MITF: variants seen among roughly 807,000 people sequenced by gnomAD.
MITF encodes the protein microphthalmia-associated transcription factor.
Under a neutral mutation model 60.5 loss-of-function variants are expected in MITF, and 17 were observed. The ratio of observed to expected loss-of-function variants is 0.28; its 90% CI spans 0.19 to 0.42. The LOEUF (loss-of-function observed/expected upper bound fraction) is 0.42, where lower values mean the gene tolerates loss of function less well. MITF is among the 10% of genes least tolerant of loss of function. The probability of loss-of-function intolerance (pLI) is 1.00; values close to 1 mark genes in which losing one functional copy is unlikely to be tolerated. For synonymous variants in MITF, 260 were observed against 248.5 expected, an observed-to-expected ratio of 1.05 and a Z score of -0.43; for missense variants, 622 against 683.5, an observed-to-expected ratio of 0.91 and a Z score of 1.00.
chr3:69,882,687 A>G (rs925545900), intron 2 of MITF, among the ~76,000 whole-genome samples: 1 of 152,198 alleles, frequency 6.6e-6, no homozygotes, highest in African/African-American at 2.4e-5. Context: ...AAACAAAAAC[A>G]GAGTAACGGG....
chr3:69,774,441 A>G (rs2062442112), intron 1 of MITF, among the ~76,000 whole-genome samples: 1 of 152,156 alleles, frequency 6.6e-6, no homozygotes, highest in African/African-American at 2.4e-5. Flanking sequence ...AGGTAGCAGG[A>G]TGGCTAGTCA....
At chr3:69,754,408 C>T (rs1704050664) in intron 1 of MITF, among the ~76,000 whole-genome samples, 1 of 152,048 alleles carries the variant, frequency 6.6e-6, no homozygotes, top group African/African-American at 2.4e-5. Flanking sequence ...AAATCTGTCC[C>T]CCTTGGCCGG....
intron 7 of MITF, among the ~76,000 whole-genome samples, chr3:69,954,830 A>G (rs2066356038): frequency 6.6e-6 from 1 of 152,194 alleles, no homozygotes; most frequent in Non-Finnish European, 1.5e-5. Flanking sequence ...CCTCAGCCAA[A>G]ACAAACTGCA....
chr3:69,815,053 C>A (rs754873548), intron 1 of MITF, among the ~76,000 whole-genome samples: 2 of 152,116 alleles, frequency 1.3e-5, no homozygotes, highest in Admixed American at 1.3e-4. Context: ...AAAACAGATG[C>A]TAACCATAAA....
At chr3:69,752,625 A>G (rs1460479683) in intron 1 of MITF, among the ~76,000 whole-genome samples, 1 of 152,174 alleles carries the variant, frequency 6.6e-6, no homozygotes, top group Non-Finnish European at 1.5e-5. Context: ...GCTCCTAACA[A>G]CCTATGTTTA....
rs2064117359 is a variant in MITF at position 69,866,448 on chromosome 3, G to A, written c.105-12686G>A. 5.1e-6 allele frequency: 7 copies of A among 1,359,388 alleles called. No homozygotes were observed. The South Asian group carries it at 9.1e-5, about 18-fold the overall frequency. 84.2% of individuals were successfully genotyped at this position (1,359,388 alleles called of 1,614,324 possible). A position where few individuals can be genotyped will look rare whatever the true frequency, so the allele number is the denominator to read the frequency against. On this transcript the variant is annotated intron_variant, in intron 1 of 9. Transcript: ENST00000352241. ...ATAAAGGAAGAGAAGGGTTTATTGGGAGTTAAAAATACTGAAGCTGTTACT... is the reference window on the plus strand; with the variant it reads ...ATAAAGGAAGAGAAGGGTTTATTGGAAGTTAAAAATACTGAAGCTGTTACT...
chr3:69,952,331 A>G (rs1455221935), intron 7 of MITF, among the ~76,000 whole-genome samples: 1 of 152,098 alleles, frequency 6.6e-6, no homozygotes, highest in Non-Finnish European at 1.5e-5. Flanking sequence ...CAGCCTCCTA[A>G]ATTTCTGACA....
rs755328856 is a variant in MITF at position 69,959,431 on chromosome 3, T to C, written c.1179+11T>C. 6 of 1,613,778 alleles carry C rather than the reference T, an allele frequency of 3.7e-6. No homozygotes were observed. The East Asian group carries it at 1.1e-4, about 30-fold the overall frequency. On this transcript the variant is annotated intron_variant, in intron 9 of 9. Coordinates refer to ENST00000352241, the MANE Select transcript of MITF (RefSeq NM_001354604.2). ...TTGCTCAGAATACAGGTACGCAGCC[T>C]GAGTTGTGTAAAGTTTACTGCTTTT... is the stretch of plus-strand genomic sequence containing the variant.
intron 1 of MITF, among the ~76,000 whole-genome samples, chr3:69,832,869 T>C (rs937012452): frequency 2.6e-5 from 4 of 152,268 alleles, no homozygotes; most frequent in Non-Finnish European, 4.4e-5. Context: ...CTATTTATAC[T>C]GTATGTGATT....
At chr3:69,922,601 C>G (rs2065493094) in intron 2 of MITF, among the ~76,000 whole-genome samples, 1 of 152,174 alleles carries the variant, frequency 6.6e-6, no homozygotes, top group Admixed American at 6.5e-5. Context: ...TGACATTTCT[C>G]TTCTTCCCGT....
rs181627076 is a variant in MITF, at chr3:69,794,057, G to A, written c.104+54356G>A. Among the ~76,000 whole-genome samples, 8 of 152,272 alleles carry A rather than the reference G, an allele frequency of 5.3e-5. No individual in the cohort carries two copies. In the East Asian group the frequency reaches 1.4e-3, roughly 26 times the overall value. ...CACCCCAGCTATATGAAGTGTATAG[G>A]AGGCAGTGGCATCCAGGTAGCCAAC... is the stretch of plus-strand genomic sequence containing the variant. On this transcript the variant is annotated intron_variant, in intron 1 of 9. Transcript: ENST00000352241.
chr3:69,865,711 G>A (rs2064100532), intron 1 of MITF, among the ~76,000 whole-genome samples: 1 of 152,094 alleles, frequency 6.6e-6, no homozygotes, highest in African/African-American at 2.4e-5. Context: ...ATGCTGTTTT[G>A]GATCTCTAGC....
chr3:69,796,187 G>T (rs1444473693), intron 1 of MITF, among the ~76,000 whole-genome samples: 1 of 152,042 alleles, frequency 6.6e-6, no homozygotes, highest in East Asian at 1.9e-4. Context: ...CTTCATGTTG[G>T]CCAGGCTGGT....
chr3:69,808,476 C>G (rs2063047200), intron 1 of MITF, among the ~76,000 whole-genome samples: 1 of 151,948 alleles, frequency 6.6e-6, no homozygotes, highest in African/African-American at 2.4e-5. Context: ...ATAGTGAATA[C>G]CAATTTATAG....
chr3:69,943,410 A>G (rs113604016), intron 5 of MITF, among the ~76,000 whole-genome samples: 1 of 151,780 alleles, frequency 6.6e-6, no homozygotes, highest in Non-Finnish European at 1.5e-5. Context: ...GCTTCCTGAA[A>G]CCCTACATTT....
chr3:69,936,594 T>C, intron 2 of MITF: 1 of 1,533,598 alleles, frequency 6.5e-7, no homozygotes, highest in Non-Finnish European at 8.8e-7. Flanking sequence ...AAGTTTCCGG[T>C]GGTGTCTCGG....
Position 69,879,359 on chromosome 3 carries a change from G to A in MITF, c.330G>A (p.Thr110=), listed in dbSNP as rs9849776. 5,121 of 1,614,174 alleles carry A rather than the reference G, an allele frequency of 3.2e-3. 132 individuals are homozygous for A. The African/African-American group carries it at 0.055, about 17-fold the overall frequency. ...VSVPTTLPSA[T]QVPMEVLKVQ... ...TGCCCACCACCCTTCCCTCTGCCAC[G>A]CAGGTGCCGATGGAAGTCCTTAAGG... The change falls in exon 2 of 10, where the codon ACG becomes ACA. Residue 110 remains threonine, a synonymous_variant. Transcript: ENST00000352241.
intron 2 of MITF, among the ~76,000 whole-genome samples, chr3:69,882,556 TAAC>T (rs1310073721): frequency 6.6e-6 from 1 of 152,034 alleles, no homozygotes; most frequent in African/African-American, 2.4e-5. Flanking sequence ...AGTTGTGAAT[TAAC>T]AACAACAAAA....
rs767834091 is a variant in MITF at position 69,796,494 on chromosome 3, C to CTTTTTTTTTTTTTTTTTT, written c.104+56799_104+56816dup. ...TGTGAAGCTTACAAACACCGTCTTT[C>CTTTTTTTTTTTTTTTTTT]TTTTTTTTTTTTTTTTTTTTTTTGA... is the stretch of plus-strand genomic sequence containing the variant. On this transcript the variant is annotated intron_variant, in intron 1 of 9. Coordinates refer to ENST00000352241, the MANE Select transcript of MITF (RefSeq NM_001354604.2). 1.1e-3 allele frequency among the ~76,000 whole-genome samples: 91 copies of CTTTTTTTTTTTTTTTTTT among 80,302 alleles called. 11 individuals are homozygous for CTTTTTTTTTTTTTTTTTT. The highest frequency in any genetic ancestry group is 1.5e-3 in the Non-Finnish European group (56 of 38,540). 52.7% of individuals were successfully genotyped at this position (80,302 alleles called of 152,430 possible).
Sources: gnomAD v4.1 joint callset for allele counts (sites outside exome capture counted in the v4.1 genomes callset) on GRCh38, gnomAD v4.1.1 for gene constraint, MANE v1.5 for transcripts, NCBI Gene and HGNC (gene_info 2026-07-23, HGNC 2026-07-21) for gene names.